The following PTBP2 variants were observed in gnomAD, a reference collection of about 807,000 sequenced individuals.
The protein encoded by PTBP2 is polypyrimidine tract-binding protein 2.
A neutral mutation model predicts 61.4 loss-of-function variants in PTBP2; 13 were observed. The observed-to-expected ratio is 0.21, with a 90% CI of 0.14 to 0.34. PTBP2 has a LOEUF of 0.34. Among genes scored for constraint, PTBP2 ranks in the 10% least tolerant of loss-of-function variants. The probability of loss-of-function intolerance (pLI) is 1.00; values close to 1 mark genes in which losing one functional copy is unlikely to be tolerated. For missense variants in PTBP2, 405 were observed against 642.6 expected (o/e 0.63, Z 4.00); for synonymous variants, 215 against 218.5 (o/e 0.98, Z 0.14).
At chr1:96,742,796 A>G (rs983043873) in intron 2 of PTBP2, among the ~76,000 whole-genome samples, 7 of 152,098 alleles carry the variant, frequency 4.6e-5, no homozygotes, top group Non-Finnish European at 1.0e-4. Flanking sequence ...TGCAAATCTC[A>G]GATCATTTCA....
chr1:96,799,014 A>G lies in PTBP2; in HGVS notation c.905-5786A>G, dbSNP rs942443768. The stretch of plus-strand genomic sequence containing the variant: ...TCTGAAAGGAAAAGAATAGATACAT[A>G]ATTTATATCACTTCTCTCTGGACTT... On this transcript the variant is annotated intron_variant, in intron 8 of 13. Transcript: ENST00000674951. Among the ~76,000 whole-genome samples the G allele has an allele frequency of 7.2e-5, 11 of 152,292 alleles. No homozygotes were observed. In the East Asian group the frequency reaches 2.1e-3, roughly 29 times the overall value.
chr1:96,735,159 C>T (rs549005793), intron 2 of PTBP2, among the ~76,000 whole-genome samples: 1 of 152,252 alleles, frequency 6.6e-6, no homozygotes, highest in Admixed American at 6.5e-5. Context: ...CTCAAGTGAT[C>T]TGCCCACCTT....
At chr1:96,808,112 G>C (rs1434605451) in intron 11 of PTBP2, among the ~76,000 whole-genome samples, 1 of 151,968 alleles carries the variant, frequency 6.6e-6, no homozygotes, top group African/African-American at 2.4e-5. Context: ...TAGTCTTTAT[G>C]GTTGGTAATT....
chr1:96,735,021 G>A (rs112750330), intron 2 of PTBP2, among the ~76,000 whole-genome samples: 3 of 150,004 alleles, frequency 2.0e-5, no homozygotes, highest in Non-Finnish European at 3.0e-5. Flanking sequence ...GGATTCAAGC[G>A]ATTCTCCTGC....
chr1:96,767,078 T>C (rs1656816008), intron 3 of PTBP2, among the ~76,000 whole-genome samples: 1 of 152,156 alleles, frequency 6.6e-6, no homozygotes, highest in Admixed American at 6.5e-5. Context: ...TATTAAATAT[T>C]GATGCAAAAT....
intron 2 of PTBP2, 87 bp downstream of exon 2, chr1:96,723,681 TAACGTAGCTAAC>T: frequency 8.4e-7 from 1 of 1,185,038 alleles, no homozygotes; most frequent in Non-Finnish European, 1.2e-6. Context: ...TTGAAAACTA[TAACGTAGCTAAC>T]AAAACCCAAG....
chr1:96,774,959 C>A (rs539552307), intron 5 of PTBP2, among the ~76,000 whole-genome samples: 29 of 152,308 alleles, frequency 1.9e-4, no homozygotes, highest in African/African-American at 6.7e-4. Flanking sequence ...GCCATTATGT[C>A]ACTGCTCTCA....
At position 96,770,771 on chromosome 1, in the gene PTBP2, A is replaced by T. The variant is rs768435465; in HGVS notation, c.352A>T (p.Thr118Ser). Residue 118 changes from threonine to serine, a missense_variant, in exon 5 of 14, where the codon ACA (threonine) becomes TCA (serine). Thr to Ser is a moderately conservative substitution (Grantham distance 58). This residue lies in a region of PTBP2 where 342 missense variants were observed against 491.2 expected (regional missense o/e 0.70). Coordinates refer to ENST00000674951, the MANE Select transcript of PTBP2 (RefSeq NM_021190.4). ...TATGGTTAATTACTATTCTGCTGTG[A>T]CACCTCATCTTCGTAACCAACCAAT... Reference protein sequence around the residue: ...ITMVNYYSAVTPHLRNQPIYI... With the variant: ...ITMVNYYSAVSPHLRNQPIYI... 4 of 1,607,730 alleles carry T rather than the reference A, an allele frequency of 2.5e-6. No homozygotes were observed. The highest frequency in any genetic ancestry group is 3.3e-5 in the Admixed American group (2 of 59,994).
intron 8 of PTBP2, among the ~76,000 whole-genome samples, chr1:96,794,242 G>A (rs1039279739): frequency 3.0e-4 from 45 of 152,094 alleles, no homozygotes; most frequent in African/African-American, 1.0e-3. Context: ...AAATTCTATG[G>A]TAATCAACTC....
intron 5 of PTBP2, among the ~76,000 whole-genome samples, chr1:96,772,842 G>A (rs1188908397): frequency 6.6e-6 from 1 of 152,048 alleles, no homozygotes; most frequent in South Asian, 2.1e-4. Context: ...GCTGGGCTTG[G>A]TGGCTTATAC....
At chr1:96,783,314 C>T (rs1200351269) in intron 7 of PTBP2, among the ~76,000 whole-genome samples, 2 of 151,946 alleles carry the variant, frequency 1.3e-5, no homozygotes, top group Non-Finnish European at 2.9e-5. Context: ...TTGCTTATTT[C>T]TCTAGCTCTT....
intron 2 of PTBP2, among the ~76,000 whole-genome samples, chr1:96,739,007 A>G (rs746458829): frequency 6.6e-6 from 1 of 152,202 alleles, no homozygotes; most frequent in Admixed American, 6.5e-5. Flanking sequence ...TGTTTTTTAA[A>G]TATTTTTCAT....
At chr1:96,821,082 A>G (rs905890399) in exon 14 of PTBP2, 3 of 152,180 alleles carry the variant, frequency 2.0e-5, no homozygotes, top group Admixed American at 6.5e-5. Context: ...CATCTGTACA[A>G]TGGAGGTGAT....
chr1:96,773,123 C>CAAAA (rs563241972), intron 5 of PTBP2, among the ~76,000 whole-genome samples: 9 of 88,262 alleles, frequency 1.0e-4, no homozygotes, highest in African/African-American at 1.9e-4. Flanking sequence ...GACTCTATCT[C>CAAAA]AAAAAAAAAA....
At chr1:96,724,447 C>T (rs1423284703) in intron 2 of PTBP2, among the ~76,000 whole-genome samples, 2 of 151,928 alleles carry the variant, frequency 1.3e-5, no homozygotes, top group Non-Finnish European at 2.9e-5. Flanking sequence ...TGGCATTTCA[C>T]CCTGTTGGTC....
At chr1:96,765,966 TC>T (rs35474431) in intron 3 of PTBP2, among the ~76,000 whole-genome samples, 1 of 152,140 alleles carries the variant, frequency 6.6e-6, no homozygotes, top group Non-Finnish European at 1.5e-5. Context: ...GGTTCACAGT[TC>T]CTTGTTGACT....
At chr1:96,778,008 T>C in intron 7 of PTBP2, 62 bp downstream of exon 7, 1 of 828,388 alleles carries the variant, frequency 1.2e-6, no homozygotes, top group Non-Finnish European at 1.9e-6. Flanking sequence ...GAAAAATATA[T>C]ATATATGTAT....
chr1:96,812,516 G>C (rs1036213121), intron 11 of PTBP2, among the ~76,000 whole-genome samples, 196 bp from the exon 12 acceptor site: 5 of 152,140 alleles, frequency 3.3e-5, no homozygotes, highest in Admixed American at 2.0e-4. Flanking sequence ...TATGAAAGTA[G>C]CTGGCTTTTT....
chr1:96,795,953 CTT>C (rs1306386719), intron 8 of PTBP2, among the ~76,000 whole-genome samples: 12 of 152,160 alleles, frequency 7.9e-5, no homozygotes, highest in Admixed American at 2.6e-4. Context: ...GTGCAAATAA[CTT>C]TACACAGTGC....
Sources: gnomAD v4.1 joint callset for allele counts (sites outside exome capture counted in the v4.1 genomes callset) on GRCh38, gnomAD v4.1.1 for gene constraint, gnomAD v4.1.1 regional missense constraint, MANE v1.5 for transcripts, NCBI Gene and HGNC (gene_info 2026-07-23, HGNC 2026-07-21) for gene names.